Variants in DMD observed in about 807,000 individuals in gnomAD.
The protein encoded by DMD is mutant dystrophin.
DMD carries 63 observed loss-of-function variants against 330.1 expected under a neutral mutation model. The observed-to-expected ratio is 0.19, with a 90% CI of 0.16 to 0.24. The LOEUF (loss-of-function observed/expected upper bound fraction) is 0.24. Among genes scored for constraint, DMD ranks in the 10% least tolerant of loss-of-function variants. The pLI, the probability that DMD is intolerant of heterozygous loss-of-function variation, is 1.00. For missense variants in DMD, 3,344 were observed against 2,684.1 expected, an observed-to-expected ratio of 1.25 and a Z score of -5.43; for synonymous variants, 1,223 against 959.8, an observed-to-expected ratio of 1.27 and a Z score of -5.07.
intron 1 of DMD, among the ~76,000 whole-genome samples, chrX:33,164,591 G>T (rs2148675216): frequency 8.9e-6 from 1 of 112,279 alleles, no homozygotes; most frequent in East Asian, 2.8e-4. Context: ...CATTTTAGGA[G>T]TCATTATTAC....
intron 47 of DMD, among the ~76,000 whole-genome samples, chrX:31,909,518 G>GAAAAAAAAAAAAAAA (rs775462001): frequency 5.4e-5 from 3 of 56,055 alleles, no homozygotes; most frequent in African/African-American, 5.5e-5. Context: ...AGAGAAATGT[G>GAAAAAAAAAAAAAAA]AAAAAAAAAA....
rs757078614 is a variant in DMD, at chrX:32,504,203, T to C, written c.2293-2361A>G. Among the ~76,000 whole-genome samples, 18 of 112,685 alleles carry C rather than the reference T, an allele frequency of 1.6e-4. 1 individual carries two copies. The South Asian group carries it at 1.8e-3, about 11-fold the overall frequency. On this transcript the variant is annotated intron_variant, in intron 18 of 78. Coordinates refer to ENST00000357033, the MANE Select transcript of DMD (RefSeq NM_004006.3). Reference sequence around the variant, plus strand: ...TACAATTATTTAATTCCAATTTATTTACTTTCATGTTATTCACTGGATCAA... The same window carrying C: ...TACAATTATTTAATTCCAATTTATTCACTTTCATGTTATTCACTGGATCAA...
intron 58 of DMD, among the ~76,000 whole-genome samples, chrX:31,478,770 T>C (rs2068014931): frequency 8.9e-6 from 1 of 112,346 alleles, no homozygotes; most frequent in Non-Finnish European, 1.9e-5. Flanking sequence ...TGCTAATCTC[T>C]TTTGATGTTT....
chrX:32,335,802 C>A (rs1363095745), intron 41 of DMD, among the ~76,000 whole-genome samples: 1 of 101,826 alleles, frequency 9.8e-6, no homozygotes, highest in Admixed American at 1.1e-4. Flanking sequence ...TTATATATAA[C>A]ACGTGTATAT....
chrX:31,627,663 C>T lies in DMD; in HGVS notation c.8217+10G>A. 1 of 1,209,476 alleles carries T rather than the reference C, an allele frequency of 8.3e-7. No homozygotes were observed. Among genetic ancestry groups the T allele is most frequent in the Non-Finnish European group, 1.1e-6 (1 of 894,186 alleles). On this transcript the variant is annotated intron_variant, in intron 55 of 78. Coordinates refer to ENST00000357033, the MANE Select transcript of DMD (RefSeq NM_004006.3). ...CCACAAGAGTGCTAAAGCGGAAATGCCTGACTTACTTGCCATTGTTTCATC... is the reference window on the plus strand; with the variant it reads ...CCACAAGAGTGCTAAAGCGGAAATGTCTGACTTACTTGCCATTGTTTCATC...
In DMD at chrX:31,902,540, C is replaced by A. The variant is rs929944861; in HGVS notation, c.6912+27056G>T. ...ATTCTGAAAAAATTAGCTGATTGAA[C>A]CAGTGAGTAGAGCGTAGGCAAAGCG... is the stretch of plus-strand genomic sequence containing the variant. On this transcript the variant is annotated intron_variant, in intron 47 of 78. Transcript: ENST00000357033. Among the ~76,000 whole-genome samples, 6 of 111,462 alleles carry A rather than the reference C, an allele frequency of 5.4e-5. No homozygotes were observed. The South Asian group carries it at 1.1e-3, about 21-fold the overall frequency.
At chrX:32,539,598 C>A (rs2048312371) in intron 17 of DMD, among the ~76,000 whole-genome samples, 2 of 110,806 alleles carry the variant, frequency 1.8e-5, no homozygotes, top group Non-Finnish European at 3.8e-5. Context: ...ATACAACTTT[C>A]AGATTTTAGT....
At chrX:31,638,103 T>A (rs2079521266) in intron 54 of DMD, among the ~76,000 whole-genome samples, 1 of 111,924 alleles carries the variant, frequency 8.9e-6, no homozygotes, top group Admixed American at 9.5e-5. Context: ...AATGAGTGTC[T>A]GCAAAAAATG....
intron 2 of DMD, among the ~76,000 whole-genome samples, chrX:32,862,295 C>G (rs2149090119): frequency 8.9e-6 from 1 of 112,001 alleles, no homozygotes; most frequent in Non-Finnish European, 1.9e-5. Flanking sequence ...TTAACTAGAA[C>G]CCAATATGTA....
At chrX:32,612,338 C>T (rs1050032160) in intron 12 of DMD, among the ~76,000 whole-genome samples, 28 of 111,845 alleles carry the variant, frequency 2.5e-4, no homozygotes, top group African/African-American at 6.8e-4. Context: ...CCAGAAATAC[C>T]CTCCGGTAGA....
chrX:31,345,772 G>C (rs929567050), intron 61 of DMD, among the ~76,000 whole-genome samples: 5 of 111,807 alleles, frequency 4.5e-5, no homozygotes, highest in Non-Finnish European at 9.4e-5. Context: ...CACTCATTTA[G>C]ATAAACTGCT....
chrX:32,819,263 C>G (rs749541165), intron 5 of DMD, among the ~76,000 whole-genome samples: 2 of 110,747 alleles, frequency 1.8e-5, no homozygotes, highest in Non-Finnish European at 3.8e-5. Flanking sequence ...TTCAGCAGTG[C>G]GAACGTCATC....
chrX:31,894,526 C>T (rs1049991805), intron 47 of DMD, among the ~76,000 whole-genome samples: 1 of 111,747 alleles, frequency 8.9e-6, no homozygotes. Context: ...ATGCAGAGGA[C>T]CTTACGTCCC....
chrX:32,997,304 G>A (rs1470592492), intron 2 of DMD, among the ~76,000 whole-genome samples: 1 of 108,126 alleles, frequency 9.2e-6, no homozygotes, highest in African/African-American at 3.4e-5. Context: ...GGAGTGCAGT[G>A]GCGCGATCTC....
At chrX:33,135,345 A>G (rs2095520490) in intron 1 of DMD, among the ~76,000 whole-genome samples, 1 of 112,165 alleles carries the variant, frequency 8.9e-6, no homozygotes, top group Non-Finnish European at 1.9e-5. Flanking sequence ...AACGTCCAAC[A>G]CGTGTTATTT....
At chrX:32,047,469 A>T (rs2096072132) in intron 44 of DMD, among the ~76,000 whole-genome samples, 1 of 111,852 alleles carries the variant, frequency 8.9e-6, no homozygotes, top group African/African-American at 3.2e-5. Flanking sequence ...GTGTGTAAAT[A>T]TTAAAACATT....
chrX:32,500,503 G>A (rs2043942320), intron 19 of DMD, among the ~76,000 whole-genome samples: 1 of 111,690 alleles, frequency 9.0e-6, no homozygotes, highest in African/African-American at 3.2e-5. Context: ...ACTATGACAT[G>A]AGACCATTTA....
intron 44 of DMD, among the ~76,000 whole-genome samples, chrX:31,988,093 G>A (rs915897924): frequency 5.4e-5 from 6 of 111,683 alleles, no homozygotes; most frequent in African/African-American, 2.0e-4. Context: ...CTCCTGAAAT[G>A]TTATAATGTC....
At chrX:31,348,993 G>A (rs1415549719) in intron 60 of DMD, among the ~76,000 whole-genome samples, 1 of 112,144 alleles carries the variant, frequency 8.9e-6, no homozygotes, top group Non-Finnish European at 1.9e-5. Flanking sequence ...TTTGGTATAG[G>A]TGACTACAGA....
Sources: gnomAD v4.1 joint callset for allele counts (sites outside exome capture counted in the v4.1 genomes callset) on GRCh38, gnomAD v4.1.1 for gene constraint, MANE v1.5 for transcripts, NCBI Gene and HGNC (gene_info 2026-07-23, HGNC 2026-07-21) for gene names.